ENPEP: variants seen among roughly 807,000 people sequenced by gnomAD.
The protein encoded by ENPEP is AP-A.
Under a neutral mutation model 114.5 loss-of-function variants are expected in ENPEP, and 103 were observed. The observed-to-expected ratio is 0.90, with a 90% CI of 0.77 to 1.06. The LOEUF (loss-of-function observed/expected upper bound fraction) is 1.06, where lower values mean the gene tolerates loss of function less well. ENPEP is among the 50% of genes least tolerant of loss of function. The pLI is 0.00. For synonymous variants in ENPEP, 420 were observed against 422.0 expected (o/e 1.00, Z 0.06); for missense variants, 1,196 against 1,161.3 (o/e 1.03, Z -0.43).
chr4:110,555,794 T>C (rs535005224), intron 18 of ENPEP, among the ~76,000 whole-genome samples: 1 of 152,170 alleles, frequency 6.6e-6, no homozygotes, highest in Non-Finnish European at 1.5e-5. Context: ...AATACTTGTA[T>C]AAATATTGAA....
intron 10 of ENPEP, among the ~76,000 whole-genome samples, chr4:110,529,711 T>A (rs1228811468): frequency 6.6e-6 from 1 of 152,118 alleles, no homozygotes; most frequent in African/African-American, 2.4e-5. Context: ...TGGAAGGCAG[T>A]CCTCTGTCAG....
intron 11 of ENPEP, among the ~76,000 whole-genome samples, chr4:110,538,763 T>A (rs1726739105): frequency 6.6e-6 from 1 of 152,198 alleles, no homozygotes; most frequent in African/African-American, 2.4e-5. Context: ...GATGTTTAAC[T>A]CTTACTTTCA....
rs978459562 is a variant in ENPEP, at chr4:110,549,702, G to A, written c.2331-14G>A. The A allele has an allele frequency of 6.2e-7, 1 of 1,612,748 alleles. No homozygotes were observed. The highest frequency in any genetic ancestry group is 8.5e-7 in the Non-Finnish European group (1 of 1,179,274). On this transcript the variant is annotated splice_polypyrimidine_tract_variant and intron_variant, in intron 16 of 19. Transcript: ENST00000265162. ...GAGTAGTTGAAATCTCTGAAACACTGTTTCTTCTTCTAGCCTTCCCGTAAA... is the reference window on the plus strand; with the variant it reads ...GAGTAGTTGAAATCTCTGAAACACTATTTCTTCTTCTAGCCTTCCCGTAAA...
chr4:110,524,255 C>T (rs1325593905), intron 10 of ENPEP, among the ~76,000 whole-genome samples: 2 of 152,076 alleles, frequency 1.3e-5, no homozygotes, highest in Non-Finnish European at 2.9e-5. Flanking sequence ...GGGATGCTTC[C>T]GAGCAGGGCT....
At position 110,564,644 on chromosome 4, in the gene ENPEP, G is replaced by C. The variant is rs1329505898; in HGVS notation, c.*3086G>C. On this transcript the variant is annotated 3_prime_UTR_variant, in exon 20 of 20. Transcript: ENST00000265162. ...AACCTAAGCAACTGAAGGCACTAAG[G>C]GTAGGCTATGTGTTAGCCTGTGTTA... 6.6e-6 allele frequency: 1 copy of C among 152,136 alleles called. No homozygotes were observed. The allele number at this position is 152,136 out of a possible 1,614,324, so 9.4% of individuals were successfully genotyped here. A position where few individuals can be genotyped will look rare whatever the true frequency, so the allele number is the denominator to read the frequency against.
intron 10 of ENPEP, among the ~76,000 whole-genome samples, chr4:110,526,355 A>G (rs1489043654): frequency 5.9e-5 from 9 of 152,360 alleles, no homozygotes; most frequent in African/African-American, 7.2e-5. Context: ...CACATGATTT[A>G]CAACACTTAT....
At chr4:110,515,335 T>G in intron 7 of ENPEP, 42 bp from the exon 8 acceptor site, 1 of 1,499,934 alleles carries the variant, frequency 6.7e-7, no homozygotes, top group Non-Finnish European at 9.3e-7. Context: ...GTTCCTTACA[T>G]AGCCTTTATT....
At chr4:110,479,827 A>G (rs1724245703) in intron 1 of ENPEP, among the ~76,000 whole-genome samples, 1 of 152,172 alleles carries the variant, frequency 6.6e-6, no homozygotes, top group South Asian at 2.1e-4. Context: ...AACCATCAAA[A>G]TATTTATAAA....
rs1186787826 is a variant in ENPEP at position 110,509,659 on chromosome 4, T to A, written c.1046T>A (p.Ile349Asn). The A allele has an allele frequency of 6.8e-6, 11 of 1,611,584 alleles. No individual in the cohort carries two copies. Among genetic ancestry groups the A allele is most frequent in the African/African-American group, 1.3e-5 (1 of 74,858 alleles). ...ACTCTTTCTTCTTCTATAGATAAAA[T>A]CGCTATTCCAGATTTTGGCACTGGT... ...MNYSLPKLDK[I>N]AIPDFGTGAM... Residue 349 changes from isoleucine to asparagine, a missense_variant, in exon 5 of 20, where the codon ATC becomes AAC. By Grantham distance (149) the Ile-to-Asn change is moderately radical. Transcript: ENST00000265162.
chr4:110,517,686 T>C (rs892857856), intron 8 of ENPEP, among the ~76,000 whole-genome samples: 6 of 152,288 alleles, frequency 3.9e-5, no homozygotes, highest in African/African-American at 1.2e-4. Context: ...AAGTCTTCCT[T>C]TAACTGTGAT....
Position 110,476,816 on chromosome 4 carries a change from G to A in ENPEP, c.402G>A (p.Leu134=), listed in dbSNP as rs1724127021. 1 of 1,614,040 alleles carries A rather than the reference G, an allele frequency of 6.2e-7. No individual in the cohort carries two copies. The highest frequency in any genetic ancestry group is 8.5e-7 in the Non-Finnish European group (1 of 1,180,024). Residue 134 remains leucine (L), a synonymous_variant, in exon 1 of 20, where the codon CTG becomes CTA. Coordinates refer to ENST00000265162, the MANE Select transcript of ENPEP (RefSeq NM_001977.4). ...NLSAPTRYLW[L]HLRETRITRL... Reference sequence around the variant, plus strand: ...GCGCTCCCACCCGGTACCTGTGGCTGCACCTCCGGGAGACCAGGATCACCC... The same window carrying A: ...GCGCTCCCACCCGGTACCTGTGGCTACACCTCCGGGAGACCAGGATCACCC...
In ENPEP at chr4:110,492,025, C is replaced by T. The variant is rs115061102; in HGVS notation, c.918+861C>T. Reference sequence around the variant, plus strand: ...CATGAGCCACCGAGCCTGGCCCAATCGTTTTCTTTTGAAGAACCACATACT... The same window carrying T: ...CATGAGCCACCGAGCCTGGCCCAATTGTTTTCTTTTGAAGAACCACATACT... On this transcript the variant is annotated intron_variant, in intron 3 of 19. Transcript: ENST00000265162. Among the ~76,000 whole-genome samples the T allele has an allele frequency of 8.1e-3, 1,232 of 152,014 alleles. 17 individuals carry two copies. Among genetic ancestry groups the T allele is most frequent in the African/African-American group, 0.028 (1,169 of 41,492 alleles).
intron 3 of ENPEP, among the ~76,000 whole-genome samples, chr4:110,492,902 T>C (rs1372865040): frequency 6.6e-6 from 1 of 152,210 alleles, no homozygotes. Context: ...TGCAGGTGTT[T>C]CCCATACCAA....
At chr4:110,489,987 C>T (rs1483949891) in intron 2 of ENPEP, among the ~76,000 whole-genome samples, 3 of 152,030 alleles carry the variant, frequency 2.0e-5, no homozygotes, top group African/African-American at 7.2e-5. Context: ...AATTAATTAT[C>T]AATTTGTTTT....
Position 110,562,843 on chromosome 4 carries a change from A to C in ENPEP, c.*1285A>C. On this transcript the variant is annotated 3_prime_UTR_variant, in exon 20 of 20. Transcript: ENST00000265162. ...ATTTATTTGGAACTTTCAAAAATGTAAGGTAATTTAGAATCGGCTTGATGA... is the reference window on the plus strand; with the variant it reads ...ATTTATTTGGAACTTTCAAAAATGTCAGGTAATTTAGAATCGGCTTGATGA... 6.6e-6 allele frequency: 1 copy of C among 152,190 alleles called. No individual in the cohort carries two copies. Among genetic ancestry groups the C allele is most frequent in the East Asian group, 1.9e-4 (1 of 5,204 alleles). 9.4% of individuals were successfully genotyped at this position (152,190 alleles called of 1,614,324 possible). A position where few individuals can be genotyped will look rare whatever the true frequency, so the allele number is the denominator to read the frequency against.
At chr4:110,529,130 G>A (rs921921825) in intron 10 of ENPEP, among the ~76,000 whole-genome samples, 1 of 152,194 alleles carries the variant, frequency 6.6e-6, no homozygotes, top group East Asian at 1.9e-4. Flanking sequence ...TGTAGTCCCA[G>A]AGGCCATGTT....
intron 1 of ENPEP, among the ~76,000 whole-genome samples, chr4:110,483,834 T>C (rs1265560555): frequency 6.6e-6 from 1 of 152,216 alleles, no homozygotes; most frequent in African/African-American, 2.4e-5. Context: ...AATAAAATCT[T>C]CCCAAAGAAG....
At chr4:110,478,607 T>A (rs1724199488) in intron 1 of ENPEP, among the ~76,000 whole-genome samples, 1 of 152,178 alleles carries the variant, frequency 6.6e-6, no homozygotes, top group African/African-American at 2.4e-5. Context: ...CAAGAATCTG[T>A]TTTTTGTTCT....
At chr4:110,511,187 TA>T (rs1416691530) in intron 6 of ENPEP, among the ~76,000 whole-genome samples, 2 of 152,234 alleles carry the variant, frequency 1.3e-5, no homozygotes, top group Admixed American at 1.3e-4. Context: ...TTGAAGCCCT[TA>T]CAGTTTCTGT....
Sources: allele counts gnomAD v4.1 joint callset (sites outside exome capture counted in the v4.1 genomes callset), GRCh38; gene constraint gnomAD v4.1.1; transcripts MANE v1.5; gene names NCBI Gene and HGNC (gene_info 2026-07-23, HGNC 2026-07-21).